The following NFAT5 variants were observed in gnomAD, a reference collection of about 807,000 sequenced individuals.
The protein encoded by NFAT5 is nuclear factor of activated T-cells 5.
A neutral mutation model predicts 166.5 loss-of-function variants in NFAT5; 31 were observed. That is an observed-to-expected ratio of 0.19 (90% CI 0.14 to 0.25). NFAT5 has a LOEUF of 0.25. NFAT5 is among the 10% of genes least tolerant of loss of function. NFAT5 has a pLI of 1.00. For missense variants in NFAT5, 1,449 were observed against 1,821.8 expected (o/e 0.80, Z 3.72); for synonymous variants, 612 against 639.7 (o/e 0.96, Z 0.65).
rs56381721 is a variant in NFAT5, at chr16:69,646,455, A to G, written c.254-573A>G. ...TTTTTCTATTTATTTCTCATTTTAT[A>G]ATTGATATCTGGAATAATCAGCAGC... On this transcript the variant is annotated intron_variant, in intron 3 of 14. Coordinates refer to ENST00000349945, the MANE Select transcript of NFAT5 (RefSeq NM_138713.4). 0.051 allele frequency: 35,010 copies of G among 685,390 alleles called. 1,149 individuals carry two copies. Among genetic ancestry groups the G allele is most frequent in the South Asian group, 0.072 (3,876 of 53,464 alleles). The allele number at this position is 685,390 out of a possible 1,614,324, so 42.5% of individuals were successfully genotyped here. A position where few individuals can be genotyped will look rare whatever the true frequency, so the allele number is the denominator to read the frequency against.
chr16:69,674,645 C>A (rs1308651415), intron 9 of NFAT5, among the ~76,000 whole-genome samples: 2 of 152,090 alleles, frequency 1.3e-5, no homozygotes, highest in African/African-American at 4.8e-5. Context: ...TTTTTCAAAT[C>A]AGTTCTAAGA....
Position 69,699,834 on chromosome 16 carries a change from C to T in NFAT5, c.*3483C>T. On this transcript the variant is annotated 3_prime_UTR_variant, in exon 15 of 15. Coordinates refer to ENST00000349945, the MANE Select transcript of NFAT5 (RefSeq NM_138713.4). The stretch of plus-strand genomic sequence containing the variant: ...TCTCTTTCTCTCTCTCTCTCTCTCT[C>T]TCTGTGTGTGTGTGTGTATGTGTGT... The T allele has an allele frequency of 6.6e-6, 1 of 151,126 alleles. No individual in the cohort carries two copies. Among genetic ancestry groups the T allele is most frequent in the African/African-American group, 2.4e-5 (1 of 40,908 alleles). The allele number at this position is 151,126 out of a possible 1,614,324, so 9.4% of individuals were successfully genotyped here. A position where few individuals can be genotyped will look rare whatever the true frequency, so the allele number is the denominator to read the frequency against.
Position 69,566,151 on chromosome 16 carries a change from G to C in NFAT5, c.-151G>C. 1 of 627,432 alleles carries C rather than the reference G, an allele frequency of 1.6e-6. No homozygotes were observed. The highest frequency in any genetic ancestry group is 2.7e-6 in the Non-Finnish European group (1 of 364,618). The allele number at this position is 627,432 out of a possible 1,614,324, so 38.9% of individuals were successfully genotyped here. The stretch of plus-strand genomic sequence containing the variant: ...CATCGTTTCCTCGGTCCTCGGCCCA[G>C]TGGAAGTCACTACCCTCGAGGAGGA... On this transcript the variant is annotated 5_prime_UTR_variant, in exon 1 of 15. Coordinates refer to ENST00000349945, the MANE Select transcript of NFAT5 (RefSeq NM_138713.4). The surrounding 1 kb of genome is among the most constrained non-coding windows in gnomAD (Gnocchi z 5.7).
intron 2 of NFAT5, among the ~76,000 whole-genome samples, chr16:69,611,206 A>G (rs1158703597): frequency 6.6e-6 from 1 of 152,214 alleles, no homozygotes; most frequent in Non-Finnish European, 1.5e-5. Flanking sequence ...TAGTTTAGAA[A>G]GGAATGATTA....
At chr16:69,660,381 G>T (rs981875465) in intron 7 of NFAT5, among the ~76,000 whole-genome samples, 2 of 152,146 alleles carry the variant, frequency 1.3e-5, no homozygotes, top group African/African-American at 2.4e-5. Flanking sequence ...AGTGAGCCTT[G>T]AGCGTGCCAC....
intron 10 of NFAT5, among the ~76,000 whole-genome samples, chr16:69,684,634 G>T (rs2037212506): frequency 6.6e-6 from 1 of 151,970 alleles, no homozygotes; most frequent in Non-Finnish European, 1.5e-5. Flanking sequence ...CACCCGCCTT[G>T]GCTTCCCAAA....
At chr16:69,592,385 A>G (rs1053435713) in intron 2 of NFAT5, among the ~76,000 whole-genome samples, 3 of 151,938 alleles carry the variant, frequency 2.0e-5, no homozygotes, top group African/African-American at 7.3e-5. Context: ...AATGGTAACT[A>G]CTTTTTAGGG....
At position 69,697,003 on chromosome 16, in the gene NFAT5, CAG is replaced by C. The variant is rs1164251192; in HGVS notation, c.*657_*658del. 2 of 152,538 alleles carry C rather than the reference CAG, an allele frequency of 1.3e-5. No individual in the cohort carries two copies. The highest frequency in any genetic ancestry group is 2.9e-5 in the Non-Finnish European group (2 of 67,992). 9.4% of individuals were successfully genotyped at this position (152,538 alleles called of 1,614,324 possible). A position where few individuals can be genotyped will look rare whatever the true frequency, so the allele number is the denominator to read the frequency against. ...GGAATGCTTCTTGATTTTATTTTTT[CAG>C]AGAGTTGTTAGTTCTCTGGGTTTCT... On this transcript the variant is annotated 3_prime_UTR_variant, in exon 15 of 15. Transcript: ENST00000349945.
At chr16:69,570,958 T>G (rs960025090) in intron 2 of NFAT5, among the ~76,000 whole-genome samples, 7 of 151,992 alleles carry the variant, frequency 4.6e-5, no homozygotes, top group Admixed American at 1.3e-4. Flanking sequence ...ACATGCTAAG[T>G]GCTCAGTAAA....
At chr16:69,603,535 TAAACTCAAGAG>T (rs1468710372) in intron 2 of NFAT5, among the ~76,000 whole-genome samples, 3 of 152,112 alleles carry the variant, frequency 2.0e-5, no homozygotes, top group African/African-American at 4.8e-5. Flanking sequence ...GCAGATCACT[TAAACTCAAGAG>T]TTTGAGACCA....
intron 2 of NFAT5, among the ~76,000 whole-genome samples, chr16:69,574,135 T>A (rs2016601382): frequency 6.6e-6 from 1 of 152,042 alleles, no homozygotes; most frequent in African/African-American, 2.4e-5. Context: ...CCCCCCAAAG[T>A]GCTGGGATTA....
intron 7 of NFAT5, among the ~76,000 whole-genome samples, chr16:69,661,438 G>A (rs1215019298): frequency 6.8e-6 from 1 of 147,174 alleles, no homozygotes; most frequent in East Asian, 2.0e-4. Flanking sequence ...AGCTACTCAG[G>A]AGGCTGAGGC....
intron 1 of NFAT5, among the ~76,000 whole-genome samples, chr16:69,567,971 T>C (rs1489303004): frequency 1.3e-5 from 2 of 152,192 alleles, no homozygotes; most frequent in South Asian, 4.1e-4. Context: ...CAATTCAGCC[T>C]CTTTTGCGGG....
chr16:69,650,175 G>A (rs539758663), intron 4 of NFAT5, among the ~76,000 whole-genome samples: 7 of 152,000 alleles, frequency 4.6e-5, no homozygotes, highest in South Asian at 2.1e-4. Context: ...TATGCGGCAC[G>A]AATAAATTAG....
chr16:69,676,579 A>G (rs2036842342), intron 9 of NFAT5, among the ~76,000 whole-genome samples: 1 of 152,132 alleles, frequency 6.6e-6, no homozygotes, highest in South Asian at 2.1e-4. Context: ...ATTCTTTACA[A>G]GTGAGACAGA....
intron 4 of NFAT5, chr16:69,648,699 A>G (rs1247908287): frequency 1.2e-5 from 12 of 966,472 alleles, no homozygotes; most frequent in Non-Finnish European, 1.5e-5. Flanking sequence ...TTTGTATAGT[A>G]CATTCAAAAT....
Position 69,702,967 on chromosome 16 carries a change from A to AT in NFAT5, c.*6619dup. The AT allele has an allele frequency of 2.0e-5, 3 of 152,766 alleles. No individual in the cohort carries two copies. In the Middle Eastern group the frequency reaches 0.01, roughly 520 times the overall value. The allele number at this position is 152,766 out of a possible 1,614,324, so 9.5% of individuals were successfully genotyped here. ...CTAAAAGGTTTACATTAAATGACTG[A>AT]TTTAAATATATAGGTGCAATGTTCT... On this transcript the variant is annotated 3_prime_UTR_variant, in exon 15 of 15. Coordinates refer to ENST00000349945, the MANE Select transcript of NFAT5 (RefSeq NM_138713.4).
chr16:69,632,467 A>G (rs1343808673), intron 3 of NFAT5: 1 of 152,184 alleles, frequency 6.6e-6, no homozygotes, highest in Non-Finnish European at 1.5e-5. Context: ...TGTATAGAAT[A>G]TTGAGTTGAA....
intron 10 of NFAT5, among the ~76,000 whole-genome samples, chr16:69,678,504 C>T (rs77818476): frequency 6.6e-5 from 10 of 152,104 alleles, no homozygotes; most frequent in Non-Finnish European, 1.0e-4. Flanking sequence ...TGAGCCACCA[C>T]GTCCGACCCT....
Sources: allele counts gnomAD v4.1 joint callset (sites outside exome capture counted in the v4.1 genomes callset), GRCh38; gene constraint gnomAD v4.1.1; non-coding constraint Gnocchi (gnomAD v3.1); transcripts MANE v1.5; gene names NCBI Gene and HGNC (gene_info 2026-07-23, HGNC 2026-07-21).